Variants in DNAH3 observed in about 807,000 individuals in gnomAD.
DNAH3 encodes the protein dynein axonemal heavy chain 3, also known as axonemal beta dynein heavy chain 3.
In DNAH3, 332 loss-of-function variants were observed where a neutral mutation model predicts 432.5. The observed-to-expected ratio is 0.77, with a 90% CI of 0.70 to 0.84. The LOEUF (loss-of-function observed/expected upper bound fraction) is 0.84, where lower values mean the gene tolerates loss of function less well. Among genes scored for constraint, DNAH3 ranks in the 40% least tolerant of loss-of-function variants. The probability of loss-of-function intolerance (pLI) is 0.00; values close to 1 mark genes in which losing one functional copy is unlikely to be tolerated. For missense variants in DNAH3, 4,861 were observed against 5,114.0 expected (o/e 0.95, Z 1.51); for synonymous variants, 1,956 against 1,900.2 (o/e 1.03, Z -0.76).
At chr16:21,034,987 T>A (rs1245299303) in intron 35 of DNAH3, among the ~76,000 whole-genome samples, 1 of 152,092 alleles carries the variant, frequency 6.6e-6, no homozygotes, top group African/African-American at 2.4e-5. Flanking sequence ...AACCATTAAG[T>A]AGGGTTGACA....
chr16:21,105,722 G>A lies in DNAH3; in HGVS notation c.2284+768C>T, dbSNP rs549575489. On this transcript the variant is annotated intron_variant, in intron 15 of 61. Coordinates refer to ENST00000261383, the Ensembl canonical transcript of DNAH3. ...CAGAGGTTGCAGTGAGCCGAGGGTG[G>A]CACTGCACTACAGCCTGGATGACAG... Among the ~76,000 whole-genome samples the A allele has an allele frequency of 3.3e-5, 5 of 152,004 alleles. No homozygotes were observed. In the South Asian group the frequency reaches 8.3e-4, roughly 25 times the overall value.
chr16:21,150,239 A>T (rs1163209006), intron 1 of DNAH3, 51 bp downstream of exon 2: 4 of 291,764 alleles, frequency 1.4e-5, no homozygotes, highest in Non-Finnish European at 2.7e-5. Flanking sequence ...AATAAAAAAT[A>T]AAAAAAAAAA....
At chr16:20,990,638 A>AAGAT (rs56142252) in intron 44 of DNAH3, among the ~76,000 whole-genome samples, 152,243 of 152,266 alleles carry the variant, frequency 1, 76,110 homozygotes, top group Middle Eastern at 1. Context: ...TTACAGGTAA[A>AAGAT]AGATACAGAA....
At chr16:21,090,932 G>C (rs1739802540) in intron 18 of DNAH3, among the ~76,000 whole-genome samples, 1 of 151,984 alleles carries the variant, frequency 6.6e-6, no homozygotes, top group African/African-American at 2.4e-5. Flanking sequence ...CGGGTGGATT[G>C]CTTGAGCTCA....
At chr16:21,125,497 A>G in intron 8 of DNAH3, 127 bp from the exon 10 acceptor site, 1 of 638,246 alleles carries the variant, frequency 1.6e-6, no homozygotes, top group Non-Finnish European at 2.4e-6. Context: ...CTTGCAAATC[A>G]GTACTTTCAA....
chr16:20,953,305 C>T (rs1028375249), intron 55 of DNAH3, among the ~76,000 whole-genome samples: 33 of 151,750 alleles, frequency 2.2e-4, no homozygotes, highest in Admixed American at 1.8e-3. Context: ...ATTACAGGCA[C>T]GTGCCACCAC....
exon 18 of DNAH3, chr16:21,097,410 C>T (rs762160264): frequency 9.3e-6 from 15 of 1,613,930 alleles, no homozygotes; most frequent in South Asian, 4.4e-5. Flanking sequence ...ACCACAGCTG[C>T]TCATAAGGTA....
chr16:21,149,144 G>A (rs1007698339), intron 1 of DNAH3, among the ~76,000 whole-genome samples: 3 of 151,280 alleles, frequency 2.0e-5, no homozygotes, highest in East Asian at 2.0e-4. Flanking sequence ...CAGGAGAATC[G>A]CTTGAACCCA....
chr16:20,944,713 C>T (rs372309999), intron 57 of DNAH3, 50 bp from the exon 58 acceptor site: 71 of 1,590,124 alleles, frequency 4.5e-5, no homozygotes, highest in Admixed American at 1.0e-4. Flanking sequence ...CAGAATCCCA[C>T]AGATGACTCC....
chr16:21,141,812 A>G (rs530281543), intron 3 of DNAH3, among the ~76,000 whole-genome samples: 25 of 152,300 alleles, frequency 1.6e-4, no homozygotes, highest in African/African-American at 6.0e-4. Flanking sequence ...GTACTTTGGG[A>G]GGCTAAGGCA....
At chr16:21,082,873 C>T (rs932805750) in intron 19 of DNAH3, among the ~76,000 whole-genome samples, 1 of 151,390 alleles carries the variant, frequency 6.6e-6, no homozygotes, top group African/African-American at 2.4e-5. Flanking sequence ...TATATTTGTA[C>T]TAGTCACAGA....
At chr16:21,075,914 CAAA>C (rs34186982) in intron 20 of DNAH3, among the ~76,000 whole-genome samples, 2 of 52,682 alleles carry the variant, frequency 3.8e-5, no homozygotes, top group African/African-American at 1.6e-4. Context: ...AACCCTGTCT[CAAA>C]AAAAAAAAAA....
chr16:21,095,127 G>A (rs7500546), intron 18 of DNAH3, among the ~76,000 whole-genome samples: 28 of 152,314 alleles, frequency 1.8e-4, no homozygotes, highest in African/African-American at 6.7e-4. Flanking sequence ...ATGCACAACG[G>A]CACAGCCACT....
chr16:20,982,979 G>T, intron 48 of DNAH3, 93 bp from the exon 49 acceptor site: 1 of 1,427,934 alleles, frequency 7.0e-7, no homozygotes, highest in Non-Finnish European at 9.7e-7. Context: ...GGTGGGGTAA[G>T]TGGGGGCAGG....
chr16:21,060,234 C>A, intron 26 of DNAH3, 30 bp downstream of exon 26: 1 of 1,561,914 alleles, frequency 6.4e-7, no homozygotes. Context: ...GCACTAGTGT[C>A]CTGGCATGTG....
exon 53 of DNAH3, chr16:20,964,568 A>T: frequency 8.1e-6 from 13 of 1,614,208 alleles, no homozygotes; most frequent in Non-Finnish European, 1.1e-5. Flanking sequence ...CTATCAGAGA[A>T]CTTGATGACA....
chr16:21,075,693 G>T, intron 20 of DNAH3, 132 bp from the exon 21 acceptor site: 2 of 709,512 alleles, frequency 2.8e-6, no homozygotes, highest in Non-Finnish European at 5.0e-6. Context: ...AGGGAAGATT[G>T]CTTGAGGTCG....
exon 1 of DNAH3, chr16:21,159,375 G>A: frequency 6.2e-7 from 1 of 1,614,032 alleles, no homozygotes; most frequent in South Asian, 1.1e-5. Context: ...GCTTTTGAAC[G>A]CTGAAAGGCT....
chr16:21,061,838 A>C (rs2090371930), intron 25 of DNAH3, among the ~76,000 whole-genome samples: 1 of 152,178 alleles, frequency 6.6e-6, no homozygotes. Flanking sequence ...TCAGTGTTAG[A>C]ATTTCAGGTA....
Sources: gnomAD v4.1 joint callset for allele counts (sites outside exome capture counted in the v4.1 genomes callset) on GRCh38, gnomAD v4.1.1 for gene constraint, MANE v1.5 for transcripts, NCBI Gene and HGNC (gene_info 2026-07-23, HGNC 2026-07-21) for gene names.